PRKN: variants seen among roughly 807,000 people sequenced by gnomAD.
PRKN encodes the protein E3 ubiquitin-protein ligase parkin.
A neutral mutation model predicts 59.5 loss-of-function variants in PRKN; 56 were observed. The ratio of observed to expected loss-of-function variants is 0.94; its 90% CI spans 0.76 to 1.18. The LOEUF (loss-of-function observed/expected upper bound fraction) is 1.18, where lower values mean the gene tolerates loss of function less well. Among genes scored for constraint, PRKN ranks in the 50% most tolerant of loss-of-function variants. The pLI is 0.00. For synonymous variants in PRKN, 250 were observed against 222.1 expected (o/e 1.13, Z -1.12); for missense variants, 657 against 596.4 (o/e 1.10, Z -1.06).
At chr6:161,389,665 C>A (rs1280721592) in intron 9 of PRKN, among the ~76,000 whole-genome samples, 1 of 152,208 alleles carries the variant, frequency 6.6e-6, no homozygotes. Context: ...TCTGCTCTTA[C>A]ATGCTTTGTT....
intron 2 of PRKN, among the ~76,000 whole-genome samples, chr6:162,300,003 C>T (rs1781868570): frequency 6.6e-6 from 1 of 151,994 alleles, no homozygotes; most frequent in African/African-American, 2.4e-5. Flanking sequence ...GTTTGCTTTC[C>T]ATTCTCTGCT....
chr6:162,652,134 A>G (rs1271629345), intron 1 of PRKN, among the ~76,000 whole-genome samples: 1 of 152,062 alleles, frequency 6.6e-6, no homozygotes, highest in Non-Finnish European at 1.5e-5. Flanking sequence ...ACAGCCCCAA[A>G]TTTCTTCAGA....
At chr6:162,727,176 G>C (rs1779267607) in intron 1 of PRKN, 1 of 155,518 alleles carries the variant, frequency 6.4e-6, no homozygotes, top group Non-Finnish European at 1.4e-5. Context: ...ACCCTCACCA[G>C]GTGCCTTCCA....
At chr6:162,641,338 C>T (rs918454692) in intron 1 of PRKN, among the ~76,000 whole-genome samples, 6 of 151,848 alleles carry the variant, frequency 4.0e-5, no homozygotes, top group Non-Finnish European at 7.4e-5. Context: ...ATGTAAAAGA[C>T]ATTTTACACT....
At chr6:161,443,075 A>T (rs1242889410) in intron 9 of PRKN, among the ~76,000 whole-genome samples, 1 of 152,134 alleles carries the variant, frequency 6.6e-6, no homozygotes, top group Non-Finnish European at 1.5e-5. Context: ...TGGGAGGCCA[A>T]GGCGGGTGGA....
At chr6:162,177,704 T>C (rs529354505) in intron 4 of PRKN, among the ~76,000 whole-genome samples, 1 of 152,006 alleles carries the variant, frequency 6.6e-6, no homozygotes, top group East Asian at 1.9e-4. Context: ...ACACCAAGAA[T>C]ACAACAAAGA....
chr6:162,518,264 TAAG>T (rs1777948296), intron 1 of PRKN, among the ~76,000 whole-genome samples: 1 of 152,196 alleles, frequency 6.6e-6, no homozygotes, highest in South Asian at 2.1e-4. Flanking sequence ...ATCATTACAT[TAAG>T]TAGTTCTATA....
At chr6:162,049,329 C>A (rs1052197035) in intron 5 of PRKN, among the ~76,000 whole-genome samples, 7 of 151,978 alleles carry the variant, frequency 4.6e-5, no homozygotes, top group Middle Eastern at 3.4e-3. Context: ...ACTGTCAAAA[C>A]CTTGACTTTA....
intron 2 of PRKN, among the ~76,000 whole-genome samples, chr6:162,359,093 T>TATATATAC (rs1785019869): frequency 1.4e-5 from 2 of 141,068 alleles, no homozygotes; most frequent in African/African-American, 2.8e-5. Flanking sequence ...TATATATATA[T>TATATATAC]ATATGAAATC....
intron 1 of PRKN, among the ~76,000 whole-genome samples, chr6:162,518,950 A>G (rs1411561999): frequency 6.6e-6 from 1 of 152,184 alleles, no homozygotes; most frequent in Non-Finnish European, 1.5e-5. Context: ...ACTTTCAGCT[A>G]TGCCTCATTT....
rs551336937 is a variant in PRKN, at chr6:161,547,861, T to C, written c.1083+993A>G. 3.9e-5 allele frequency among the ~76,000 whole-genome samples: 6 copies of C among 152,180 alleles called. No homozygotes were observed. Among genetic ancestry groups the C allele is most frequent in the Non-Finnish European group, 7.3e-5 (5 of 68,036 alleles). On this transcript the variant is annotated intron_variant, in intron 9 of 11. Transcript: ENST00000366898. The surrounding 1 kb of genome is among the most constrained non-coding windows in gnomAD (Gnocchi z 4.0). ...TCCACTTAGGCACCATGGTATCTCA[T>C]TATTTTTCAACTTCCACTTCCTCTA... is the stretch of plus-strand genomic sequence containing the variant.
chr6:162,624,058 G>A (rs573379937), intron 1 of PRKN, among the ~76,000 whole-genome samples: 1 of 151,992 alleles, frequency 6.6e-6, no homozygotes, highest in East Asian at 1.9e-4. Context: ...AGATCAGCCT[G>A]GCTAACATGG....
chr6:161,926,128 C>T (rs1229722309), intron 6 of PRKN, among the ~76,000 whole-genome samples: 2 of 152,132 alleles, frequency 1.3e-5, no homozygotes, highest in East Asian at 1.9e-4. Flanking sequence ...GGAGAGTCTA[C>T]CTCTAAGTAA....
At chr6:162,200,647 T>C (rs905735466) in intron 4 of PRKN, among the ~76,000 whole-genome samples, 2 of 152,224 alleles carry the variant, frequency 1.3e-5, no homozygotes, top group Non-Finnish European at 2.9e-5. Context: ...ATGCATACTG[T>C]TTGCTGATCC....
chr6:161,677,824 A>G (rs1785145177), intron 7 of PRKN, among the ~76,000 whole-genome samples: 1 of 152,222 alleles, frequency 6.6e-6, no homozygotes, highest in African/African-American at 2.4e-5. Flanking sequence ...CTAAAAGAAA[A>G]TGAAAACTTC....
At chr6:161,430,883 C>A (rs1191197348) in intron 9 of PRKN, among the ~76,000 whole-genome samples, 5 of 149,986 alleles carry the variant, frequency 3.3e-5, no homozygotes, top group African/African-American at 2.5e-5. Flanking sequence ...TGCCTGTAAT[C>A]CCAGCACTTT....
intron 6 of PRKN, among the ~76,000 whole-genome samples, chr6:161,847,225 T>C (rs1793236634): frequency 6.6e-6 from 1 of 152,098 alleles, no homozygotes; most frequent in Admixed American, 6.6e-5. Context: ...GGAGAATTGC[T>C]TGAACCAGGG....
At chr6:161,885,393 C>T (rs967520249) in intron 6 of PRKN, among the ~76,000 whole-genome samples, 25 of 152,038 alleles carry the variant, frequency 1.6e-4, no homozygotes, top group Admixed American at 5.2e-4. Flanking sequence ...GGGCCGGGTG[C>T]GGTGGCTCAG....
intron 6 of PRKN, among the ~76,000 whole-genome samples, chr6:161,952,973 G>C (rs575768053): frequency 2.0e-5 from 3 of 152,156 alleles, no homozygotes; most frequent in Non-Finnish European, 4.4e-5. Context: ...GCCAAGACAT[G>C]CCCACGTGAG....
Sources: allele counts gnomAD v4.1 joint callset (sites outside exome capture counted in the v4.1 genomes callset), GRCh38; gene constraint gnomAD v4.1.1; non-coding constraint Gnocchi (gnomAD v3.1); transcripts MANE v1.5; gene names NCBI Gene and HGNC (gene_info 2026-07-23, HGNC 2026-07-21).